RAB3C: variants seen among roughly 807,000 people sequenced by gnomAD.
RAB3C encodes the protein RAB3C, member RAS oncogene family.
In RAB3C, 17 loss-of-function variants were observed where a neutral mutation model predicts 26.4. The ratio of observed to expected loss-of-function variants is 0.64; its 90% CI spans 0.44 to 0.97. The LOEUF (loss-of-function observed/expected upper bound fraction) is 0.97, where lower values mean the gene tolerates loss of function less well. Among genes scored for constraint, RAB3C ranks in the 50% least tolerant of loss-of-function variants. The probability of loss-of-function intolerance (pLI) is 0.00; values close to 1 mark genes in which losing one functional copy is unlikely to be tolerated. For synonymous variants in RAB3C, 91 were observed against 95.9 expected (o/e 0.95, Z 0.30); for missense variants, 242 against 281.9 (o/e 0.86, Z 1.01).
At chr5:58,659,648 C>T (rs1300471868) in intron 2 of RAB3C, among the ~76,000 whole-genome samples, 1 of 152,186 alleles carries the variant, frequency 6.6e-6, no homozygotes, top group Non-Finnish European at 1.5e-5. Context: ...AACCAAGCTT[C>T]ATTTCCCCCA....
chr5:58,845,612 A>ATATATATATGTGTGTG, intron 4 of RAB3C, among the ~76,000 whole-genome samples: 7 of 81,742 alleles, frequency 8.6e-5, no homozygotes, highest in African/African-American at 1.7e-4. Flanking sequence ...ATATATATAT[A>ATATATATATGTGTGTG]TGTGTGTGTG....
At chr5:58,604,837 G>A (rs1017424532) in intron 1 of RAB3C, among the ~76,000 whole-genome samples, 1 of 152,112 alleles carries the variant, frequency 6.6e-6, no homozygotes, top group African/African-American at 2.4e-5. Flanking sequence ...GAAGATTTTT[G>A]CCCTATTAAA....
chr5:58,798,301 A>G (rs1742722488), intron 3 of RAB3C, among the ~76,000 whole-genome samples: 1 of 152,180 alleles, frequency 6.6e-6, no homozygotes, highest in South Asian at 2.1e-4. Flanking sequence ...TTTTAATTAC[A>G]AAGGGAAAAA....
chr5:58,801,020 A>T (rs1742795694), intron 3 of RAB3C, among the ~76,000 whole-genome samples: 1 of 152,160 alleles, frequency 6.6e-6, no homozygotes, highest in Admixed American at 6.5e-5. Context: ...AAGATACACA[A>T]CAGGATATCA....
chr5:58,753,476 T>C (rs906058338), intron 3 of RAB3C, among the ~76,000 whole-genome samples: 1 of 152,180 alleles, frequency 6.6e-6, no homozygotes, highest in Non-Finnish European at 1.5e-5. Flanking sequence ...CCAGTTTCCC[T>C]GAACTTGATC....
In RAB3C at chr5:58,726,090, A is replaced by G. The variant is rs146820289; in HGVS notation, c.341A>G (p.Asn114Ser). 6.3e-7 allele frequency: 1 copy of G among 1,597,754 alleles called. No individual in the cohort carries two copies. The highest frequency in any genetic ancestry group is 8.6e-7 in the Non-Finnish European group (1 of 1,167,316). The change falls in exon 3 of 5, where the codon AAT becomes AGT. Residue 114 changes from asparagine to serine, a missense_variant. Physicochemically the swap from Asn to Ser is conservative, Grantham distance 46. Transcript: ENST00000282878. ...TTTATTTTAATGTATGACATTACAA[A>G]TGAAGAATCCTTCAATGCAGTACAA... ...MGFILMYDIT[N>S]EESFNAVQDW... is the part of the protein sequence containing the mutation.
intron 3 of RAB3C, among the ~76,000 whole-genome samples, chr5:58,781,770 C>T (rs1742275609): frequency 6.6e-6 from 1 of 152,012 alleles, no homozygotes; most frequent in South Asian, 2.1e-4. Flanking sequence ...TTTATCTGGG[C>T]CACTGGGCTT....
intron 2 of RAB3C, among the ~76,000 whole-genome samples, chr5:58,643,120 A>G (rs540487108): frequency 6.6e-6 from 1 of 152,300 alleles, no homozygotes; most frequent in African/African-American, 2.4e-5. Flanking sequence ...CTGTATAGCT[A>G]ATTACCAATT....
At chr5:58,707,900 A>G (rs1388718330) in intron 2 of RAB3C, among the ~76,000 whole-genome samples, 1 of 152,136 alleles carries the variant, frequency 6.6e-6, no homozygotes, top group Non-Finnish European at 1.5e-5. Flanking sequence ...TGGTTCCAAA[A>G]GAGAAGAAAC....
chr5:58,652,998 T>C (rs1429035384), intron 2 of RAB3C, among the ~76,000 whole-genome samples: 1 of 152,196 alleles, frequency 6.6e-6, no homozygotes, highest in East Asian at 1.9e-4. Context: ...ATACTTTAAC[T>C]TCTAGGATAC....
chr5:58,735,028 A>G (rs544361919), intron 3 of RAB3C, among the ~76,000 whole-genome samples: 2 of 152,344 alleles, frequency 1.3e-5, no homozygotes, highest in South Asian at 4.1e-4. Flanking sequence ...CATTGAACTC[A>G]GGACCAACTA....
intron 3 of RAB3C, among the ~76,000 whole-genome samples, chr5:58,768,351 C>T (rs773830790): frequency 1.3e-5 from 2 of 151,908 alleles, no homozygotes; most frequent in Non-Finnish European, 2.9e-5. Flanking sequence ...AATTTCTTTG[C>T]CATATTTCTT....
chr5:58,824,947 CCAT>C (rs1561143177), intron 3 of RAB3C, 88 bp from the exon 4 acceptor site: 2 of 845,256 alleles, frequency 2.4e-6, no homozygotes, highest in Non-Finnish European at 3.6e-6. Context: ...CCTTTTGCTA[CCAT>C]CATCATCTGT....
At chr5:58,848,735 G>C (rs1487234909) in intron 4 of RAB3C, among the ~76,000 whole-genome samples, 2 of 152,130 alleles carry the variant, frequency 1.3e-5, no homozygotes, top group Non-Finnish European at 2.9e-5. Flanking sequence ...TTAGCCTCAT[G>C]ATAACCCTGT....
intron 1 of RAB3C, among the ~76,000 whole-genome samples, chr5:58,605,233 G>GT (rs901752088): frequency 1.6e-4 from 25 of 152,172 alleles, no homozygotes; most frequent in Middle Eastern, 3.4e-3. Context: ...CAGAATTGCT[G>GT]TTTTTTTCTT....
intron 1 of RAB3C, among the ~76,000 whole-genome samples, chr5:58,604,700 T>C (rs1204617161): frequency 6.6e-6 from 1 of 152,178 alleles, no homozygotes; most frequent in Non-Finnish European, 1.5e-5. Context: ...GAGGGCAAGA[T>C]GGGCTTGAAA....
chr5:58,702,586 T>TTTTC (rs35019168), intron 2 of RAB3C, among the ~76,000 whole-genome samples: 88,620 of 151,248 alleles, frequency 0.59, 26,221 homozygotes, highest in African/African-American at 0.65. Flanking sequence ...CTCTCTTTCT[T>TTTTC]TTTCTTTCTC....
chr5:58,762,347 G>A lies in RAB3C; in HGVS notation c.371+36227G>A, dbSNP rs145384712. Reference sequence around the variant, plus strand: ...TCTCGTCAGTGGGATATTTAAAGACGTAGTGTATTATTTTGCAGGATTTTC... The same window carrying A: ...TCTCGTCAGTGGGATATTTAAAGACATAGTGTATTATTTTGCAGGATTTTC... On this transcript the variant is annotated intron_variant, in intron 3 of 4. Coordinates refer to ENST00000282878, the MANE Select transcript of RAB3C (RefSeq NM_138453.4). 9.4e-4 allele frequency among the ~76,000 whole-genome samples: 143 copies of A among 152,210 alleles called. 2 individuals are homozygous for A. The highest frequency in any genetic ancestry group is 3.3e-3 in the African/African-American group (136 of 41,538).
intron 1 of RAB3C, among the ~76,000 whole-genome samples, chr5:58,596,138 TCTG>T (rs1456463397): frequency 6.6e-6 from 1 of 152,036 alleles, no homozygotes; most frequent in Middle Eastern, 3.2e-3. Flanking sequence ...CACTGAAAGT[TCTG>T]CTGTGTACCA....
Sources: allele counts gnomAD v4.1 joint callset (sites outside exome capture counted in the v4.1 genomes callset), GRCh38; gene constraint gnomAD v4.1.1; transcripts MANE v1.5; gene names NCBI Gene and HGNC (gene_info 2026-07-23, HGNC 2026-07-21).